The following ZNF197 variants were observed in gnomAD, a reference collection of about 807,000 sequenced individuals.
The protein encoded by ZNF197 is VHL-associated KRAB-A domain-containing protein.
In ZNF197, 14 loss-of-function variants were observed where a neutral mutation model predicts 27.4. That is an observed-to-expected ratio of 0.51 (90% CI 0.34 to 0.80). The LOEUF is 0.80. Ranked by LOEUF, ZNF197 falls within the 30% of genes least tolerant of loss-of-function variation. The probability of loss-of-function intolerance (pLI) is 0.02; values close to 1 mark genes in which losing one functional copy is unlikely to be tolerated. For synonymous variants in ZNF197, 415 were observed against 420.0 expected (o/e 0.99, Z 0.15); for missense variants, 1,090 against 1,222.6 (o/e 0.89, Z 1.62).
chr3:44,625,750 G>GCGCACACA (rs1370257625), intron 1 of ZNF197, among the ~76,000 whole-genome samples: 1 of 148,962 alleles, frequency 6.7e-6, no homozygotes, highest in African/African-American at 2.5e-5. Flanking sequence ...GCGCGCGCGC[G>GCGCACACA]CACACACACA....
intron 3 of ZNF197, 52 bp from the exon 4 acceptor site, chr3:44,632,053 T>C: frequency 6.6e-7 from 1 of 1,508,888 alleles, no homozygotes; most frequent in Non-Finnish European, 9.2e-7. Context: ...GCAAGTGGGG[T>C]CACTCAGAAA....
At position 44,647,727 on chromosome 3, in the gene ZNF197, A is replaced by G. The variant is rs1215328848; in HGVS notation, c.*3507A>G. The G allele has an allele frequency of 1.3e-5, 2 of 152,252 alleles. No individual in the cohort carries two copies. Among genetic ancestry groups the G allele is most frequent in the Non-Finnish European group, 1.5e-5 (1 of 68,036 alleles). 9.4% of individuals were successfully genotyped at this position (152,252 alleles called of 1,614,324 possible). ...CCATATTCTGTATGAAAATATTCAT[A>G]TAACATTCTCAAAATGATAAAACTA... On this transcript the variant is annotated 3_prime_UTR_variant, in exon 6 of 6. Coordinates refer to ENST00000344387, the MANE Select transcript of ZNF197 (RefSeq NM_006991.5).
In ZNF197 at chr3:44,648,159, G is replaced by A. The variant is rs140113138; in HGVS notation, c.*3939G>A. On this transcript the variant is annotated 3_prime_UTR_variant, in exon 6 of 6. Coordinates refer to ENST00000344387, the MANE Select transcript of ZNF197 (RefSeq NM_006991.5). ...GTTATAAAATACATGTTTTAGGACAGTTGGGAAATTTGAATATGACTGGTT... is the reference window on the plus strand; with the variant it reads ...GTTATAAAATACATGTTTTAGGACAATTGGGAAATTTGAATATGACTGGTT... The A allele has an allele frequency of 1.2e-4, 18 of 152,306 alleles. No individual in the cohort carries two copies. Among genetic ancestry groups the A allele is most frequent in the African/African-American group, 4.3e-4 (18 of 41,572 alleles). 9.4% of individuals were successfully genotyped at this position (152,306 alleles called of 1,614,324 possible).
Position 44,634,697 on chromosome 3 carries a change from G to A in ZNF197, c.769+2098G>A, listed in dbSNP as rs143058780. Reference sequence around the variant, plus strand: ...ACTCCTGACCTCAGGTGATCCACCCGCCTCAGCCTCCCAAAGTGCTGGGAT... The same window carrying A: ...ACTCCTGACCTCAGGTGATCCACCCACCTCAGCCTCCCAAAGTGCTGGGAT... On this transcript the variant is annotated intron_variant, in intron 5 of 5. Coordinates refer to ENST00000344387, the MANE Select transcript of ZNF197 (RefSeq NM_006991.5). 5.1e-4 allele frequency among the ~76,000 whole-genome samples: 78 copies of A among 152,224 alleles called. 8 individuals are homozygous for A. The East Asian group carries it at 0.015, about 29-fold the overall frequency.
intron 2 of ZNF197, 145 bp downstream of exon 2, chr3:44,629,689 T>G: frequency 8.9e-7 from 1 of 1,126,128 alleles, no homozygotes; most frequent in South Asian, 2.1e-5. Context: ...TTAAAGCAGG[T>G]CCATGAGTAT....
In ZNF197 at chr3:44,643,260, G is replaced by C; in HGVS notation, c.2130G>C (p.Glu710Asp). 6.2e-7 allele frequency: 1 copy of C among 1,614,144 alleles called. No homozygotes were observed. Among genetic ancestry groups the C allele is most frequent in the Non-Finnish European group, 8.5e-7 (1 of 1,180,026 alleles). Residue 710 changes from glutamate (E) to aspartate (D), a missense_variant, in exon 6 of 6, where the codon GAG (glutamate) becomes GAC (aspartate). Coordinates refer to ENST00000344387, the MANE Select transcript of ZNF197 (RefSeq NM_006991.5). Reference sequence around the variant, plus strand: ...GGGAGAAGCCATATGAATGTCGAGAGTGTGGGAAAACCTTTATTATGAGCA... The same window carrying C: ...GGGAGAAGCCATATGAATGTCGAGACTGTGGGAAAACCTTTATTATGAGCA... The part of the protein sequence containing the change: ...HNGEKPYECR[E>D]CGKTFIMSKS...
chr3:44,630,729 C>T (rs189977020), intron 2 of ZNF197: 5 of 424,718 alleles, frequency 1.2e-5, no homozygotes, highest in East Asian at 1.3e-4. Context: ...GACTGAAGTC[C>T]GATCTAAAAC....
chr3:44,625,916 T>C (rs1346704728), intron 1 of ZNF197, among the ~76,000 whole-genome samples: 1 of 152,238 alleles, frequency 6.6e-6, no homozygotes, highest in Non-Finnish European at 1.5e-5. Flanking sequence ...TTGGGTTTCA[T>C]AAGTTTCTTC....
Position 44,642,792 on chromosome 3 carries a change from T to G in ZNF197, c.1662T>G (p.Ile554Met). 6.2e-7 allele frequency: 1 copy of G among 1,613,528 alleles called. No individual in the cohort carries two copies. The highest frequency in any genetic ancestry group is 8.5e-7 in the Non-Finnish European group (1 of 1,179,930). ...CCTTTGCTCAGACCACTTATCTTATTGACCATCAGCGACTCCACAGTGCAG... is the reference window on the plus strand; with the variant it reads ...CCTTTGCTCAGACCACTTATCTTATGGACCATCAGCGACTCCACAGTGCAG... ...GKTFAQTTYL[I>M]DHQRLHSAEN... The change falls in exon 6 of 6, where the codon ATT (isoleucine) becomes ATG (methionine). Residue 554 changes from isoleucine (I) to methionine (M), a missense_variant. Transcript: ENST00000344387.
chr3:44,639,265 A>G (rs1167523854), intron 5 of ZNF197, among the ~76,000 whole-genome samples: 1 of 152,034 alleles, frequency 6.6e-6, no homozygotes, highest in African/African-American at 2.4e-5. Flanking sequence ...TTCATAAGCT[A>G]TATTTATCTA....
intron 5 of ZNF197, among the ~76,000 whole-genome samples, chr3:44,639,030 C>T (rs991302982): frequency 3.3e-5 from 5 of 152,176 alleles, no homozygotes; most frequent in Non-Finnish European, 4.4e-5. Flanking sequence ...TCTATTCCTA[C>T]TTTGTTGAGT....
At position 44,643,992 on chromosome 3, in the gene ZNF197, G is replaced by T; in HGVS notation, c.2862G>T (p.Gly954=). Residue 954 remains glycine (G), a synonymous_variant, in exon 6 of 6, where the codon GGG becomes GGT. Transcript: ENST00000344387. ...NLVGHQRIHT[G]EKPYGCNDCS... is the part of the protein sequence containing the mutation. ...TTGGCCACCAGAGAATTCACACAGG[G>T]GAGAAACCCTATGGGTGTAATGATT... 3 of 1,614,096 alleles carry T rather than the reference G, an allele frequency of 1.9e-6. No homozygotes were observed. Among genetic ancestry groups the T allele is most frequent in the Non-Finnish European group, 2.5e-6 (3 of 1,180,016 alleles).
At position 44,626,187 on chromosome 3, in the gene ZNF197, A is replaced by G. The variant is rs116450228; in HGVS notation, c.-82+1044A>G. On this transcript the variant is annotated intron_variant, in intron 1 of 5. Transcript: ENST00000344387. ...ACCCCCAGATCAGTTACCAAGGACT[A>G]CCAAGTTTTTCTCAATTGCCTTATC... Among the ~76,000 whole-genome samples the G allele has an allele frequency of 8.8e-3, 1,342 of 152,308 alleles. 22 individuals carry two copies. The highest frequency in any genetic ancestry group is 0.031 in the African/African-American group (1,283 of 41,560).
intron 1 of ZNF197, among the ~76,000 whole-genome samples, chr3:44,627,844 AAAAG>A (rs1055484672): frequency 6.6e-6 from 1 of 152,058 alleles, no homozygotes; most frequent in East Asian, 1.9e-4. Context: ...AAAAAAAAAA[AAAAG>A]AAATTTCCTT....
chr3:44,641,856 C>T, intron 5 of ZNF197, 44 bp from the exon 6 acceptor site: 1 of 1,506,256 alleles, frequency 6.6e-7, no homozygotes, highest in African/African-American at 1.4e-5. Context: ...TTCTTCCAAA[C>T]ACAGGGACGT....
intron 5 of ZNF197, among the ~76,000 whole-genome samples, chr3:44,636,438 G>T (rs1021868713): frequency 4.6e-5 from 7 of 152,082 alleles, no homozygotes; most frequent in African/African-American, 1.4e-4. Flanking sequence ...TACCTCTGTA[G>T]ATTTGTGTAT....
Position 44,646,624 on chromosome 3 carries a change from G to A in ZNF197, c.*2404G>A, listed in dbSNP as rs1702974664. ...TATTATTATGATGAAAAAGAGAGGG[G>A]AGTGAAAATTGTTCAAGCTGTCTTG... On this transcript the variant is annotated 3_prime_UTR_variant, in exon 6 of 6. Transcript: ENST00000344387. The A allele has an allele frequency of 5.3e-6, 4 of 760,686 alleles. No individual in the cohort carries two copies. Among genetic ancestry groups the A allele is most frequent in the Non-Finnish European group, 9.3e-6 (4 of 430,552 alleles). 47.1% of individuals were successfully genotyped at this position (760,686 alleles called of 1,614,324 possible). A position where few individuals can be genotyped will look rare whatever the true frequency, so the allele number is the denominator to read the frequency against.
At position 44,643,777 on chromosome 3, in the gene ZNF197, C is replaced by CTTA; in HGVS notation, c.2648_2650dup (p.Leu883_Thr884insIle). The stretch of plus-strand genomic sequence containing the variant: ...CGAATGTCATGTATGTAGGAAAGTC[C>CTTA]TTACCTCTAGTAGAAATCTTATGGT... On this transcript the variant is annotated inframe_insertion, in exon 6 of 6. Coordinates refer to ENST00000344387, the MANE Select transcript of ZNF197 (RefSeq NM_006991.5). The CTTA allele has an allele frequency of 6.2e-7, 1 of 1,613,942 alleles. No individual in the cohort carries two copies. Among genetic ancestry groups the CTTA allele is most frequent in the East Asian group, 2.2e-5 (1 of 44,870 alleles).
Position 44,645,600 on chromosome 3 carries a change from C to T in ZNF197, c.*1380C>T. 2.0e-6 allele frequency: 2 copies of T among 985,316 alleles called. No homozygotes were observed. The highest frequency in any genetic ancestry group is 2.4e-6 in the Non-Finnish European group (2 of 829,926). The allele number at this position is 985,316 out of a possible 1,614,324, so 61.0% of individuals were successfully genotyped here. A position where few individuals can be genotyped will look rare whatever the true frequency, so the allele number is the denominator to read the frequency against. On this transcript the variant is annotated 3_prime_UTR_variant, in exon 6 of 6. Coordinates refer to ENST00000344387, the MANE Select transcript of ZNF197 (RefSeq NM_006991.5). The stretch of plus-strand genomic sequence containing the variant: ...GTGTCAAAATGGAAGGGCAGTGGTA[C>T]CCTGCTTTCCCTATTCAGAGGGAAA...
Sources: gnomAD v4.1 joint callset for allele counts (sites outside exome capture counted in the v4.1 genomes callset) on GRCh38, gnomAD v4.1.1 for gene constraint, MANE v1.5 for transcripts, NCBI Gene and HGNC (gene_info 2026-07-23, HGNC 2026-07-21) for gene names.